SYCP1: variants seen among roughly 807,000 people sequenced by gnomAD.
SYCP1 encodes the protein cancer/testis antigen 8.
Under a neutral mutation model 153.1 loss-of-function variants are expected in SYCP1, and 64 were observed. That is an observed-to-expected ratio of 0.42 (90% CI 0.34 to 0.51). SYCP1 has a LOEUF of 0.51. SYCP1 is among the 20% of genes least tolerant of loss of function. SYCP1 has a pLI of 0.06. For synonymous variants in SYCP1, 384 were observed against 341.8 expected (o/e 1.12, Z -1.36); for missense variants, 997 against 1,049.0 (o/e 0.95, Z 0.68).
chr1:114,933,200 C>T lies in SYCP1; in HGVS notation c.1926+6637C>T, dbSNP rs1050629323. Among the ~76,000 whole-genome samples the T allele has an allele frequency of 5.9e-5, 9 of 152,284 alleles. 1 individual carries two copies. The highest frequency in any genetic ancestry group is 6.8e-3 in the Middle Eastern group (2 of 294). On this transcript the variant is annotated intron_variant, in intron 23 of 31. Transcript: ENST00000369522. ...TGGGTACCCCTCTGAGATGAAGCTT[C>T]CAGAGGAACGATCAGGCAGCAACAT...
At chr1:114,950,092 C>T (rs767796739) in intron 27 of SYCP1, among the ~76,000 whole-genome samples, 12 of 152,166 alleles carry the variant, frequency 7.9e-5, no homozygotes, top group Non-Finnish European at 1.5e-4. Context: ...ATTTCCACCT[C>T]GCTGACTTCA....
Position 114,922,924 on chromosome 1 carries a change from C to T in SYCP1, c.1719-525C>T, listed in dbSNP as rs142776605. Among the ~76,000 whole-genome samples, 453 of 152,196 alleles carry T rather than the reference C, an allele frequency of 3.0e-3. 3 individuals carry two copies. The highest frequency in any genetic ancestry group is 9.8e-3 in the African/African-American group (407 of 41,522). On this transcript the variant is annotated intron_variant, in intron 20 of 31. Coordinates refer to ENST00000369522, the MANE Select transcript of SYCP1 (RefSeq NM_003176.4). ...CCCATTCCAAAATGGAGAAATCAGC[C>T]AGAAGAATTGAGTTCAGGTTCCATG...
chr1:114,856,936 A>AAAAC (rs1232963069), intron 3 of SYCP1, among the ~76,000 whole-genome samples: 3 of 146,948 alleles, frequency 2.0e-5, no homozygotes, highest in East Asian at 3.9e-4. Flanking sequence ...AAAAAAAAAA[A>AAAAC]AAAAAAAAAC....
intron 20 of SYCP1, among the ~76,000 whole-genome samples, chr1:114,917,084 A>T (rs1668554742): frequency 6.6e-6 from 1 of 152,058 alleles, no homozygotes; most frequent in Admixed American, 6.6e-5. Context: ...ATTAAATACT[A>T]GATGTGATTC....
chr1:114,965,334 T>C (rs1285385254), intron 27 of SYCP1, among the ~76,000 whole-genome samples: 1 of 152,172 alleles, frequency 6.6e-6, no homozygotes, highest in Non-Finnish European at 1.5e-5. Flanking sequence ...CTCTTCCTAT[T>C]TGAATGCCCT....
chr1:114,965,854 G>A (rs1397260336), intron 27 of SYCP1, among the ~76,000 whole-genome samples: 1 of 152,238 alleles, frequency 6.6e-6, no homozygotes, highest in East Asian at 1.9e-4. Flanking sequence ...GATGATGCTG[G>A]CCTCATAAAC....
chr1:114,969,252 C>G (rs925360280), intron 27 of SYCP1, among the ~76,000 whole-genome samples: 1 of 152,150 alleles, frequency 6.6e-6, no homozygotes, highest in Non-Finnish European at 1.5e-5. Flanking sequence ...CAGGCAGGAA[C>G]ATTTAAGTCT....
At chr1:114,923,865 T>C (rs1287279329) in intron 21 of SYCP1, among the ~76,000 whole-genome samples, 1 of 152,148 alleles carries the variant, frequency 6.6e-6, no homozygotes, top group African/African-American at 2.4e-5. Flanking sequence ...GTGTCATGCT[T>C]TGGTGAATAT....
intron 16 of SYCP1, among the ~76,000 whole-genome samples, chr1:114,907,082 C>T (rs1286878442): frequency 1.3e-5 from 2 of 152,048 alleles, no homozygotes; most frequent in African/African-American, 4.8e-5. Context: ...ATTAAATGCC[C>T]TCAATTTCTG....
At chr1:114,924,533 T>A (rs1301827733) in intron 21 of SYCP1, among the ~76,000 whole-genome samples, 4 of 152,146 alleles carry the variant, frequency 2.6e-5, no homozygotes, top group African/African-American at 7.2e-5. Flanking sequence ...AGAAGTCACA[T>A]TCAATGTGAA....
Position 114,913,134 on chromosome 1 carries a change from A to G in SYCP1, c.1631A>G (p.Gln544Arg), listed in dbSNP as rs1422305448. 1.9e-6 allele frequency: 3 copies of G among 1,610,804 alleles called. No individual in the cohort carries two copies. Among genetic ancestry groups the G allele is most frequent in the South Asian group, 1.1e-5 (1 of 90,496 alleles). The change falls in exon 19 of 32, where the codon CAG becomes CGG. Residue 544 changes from glutamine to arginine, a missense_variant. By Grantham distance (43) the Gln-to-Arg change is conservative. Around this residue, in one of 2 missense-constraint regions of SYCP1, gnomAD observed 712 missense variants for 682.9 expected, o/e 1.04. Coordinates refer to ENST00000369522, the MANE Select transcript of SYCP1 (RefSeq NM_003176.4). ...TSDMTLELKN[Q>R]QEDINNNKKQ... Reference sequence around the variant, plus strand: ...GATATGACCCTAGAACTCAAGAATCAGCAAGAAGATATTAATGTGAGTTGA... The same window carrying G: ...GATATGACCCTAGAACTCAAGAATCGGCAAGAAGATATTAATGTGAGTTGA...
At chr1:114,989,804 T>C (rs1049708807) in intron 30 of SYCP1, among the ~76,000 whole-genome samples, 4 of 152,066 alleles carry the variant, frequency 2.6e-5, no homozygotes, top group African/African-American at 9.6e-5. Context: ...CAAGAAGATA[T>C]GACAATTTTA....
At chr1:114,990,629 C>T (rs1451551492) in intron 30 of SYCP1, among the ~76,000 whole-genome samples, 2 of 151,844 alleles carry the variant, frequency 1.3e-5, no homozygotes, top group Non-Finnish European at 1.5e-5. Flanking sequence ...GGGGATACTA[C>T]TGACCGTTCA....
intron 20 of SYCP1, among the ~76,000 whole-genome samples, chr1:114,921,536 G>T (rs892101728): frequency 6.6e-6 from 1 of 151,818 alleles, no homozygotes; most frequent in South Asian, 2.1e-4. Flanking sequence ...AAAATTAGCC[G>T]GGTGTGGTGG....
chr1:114,889,547 G>T (rs946959962), intron 15 of SYCP1, among the ~76,000 whole-genome samples: 1 of 152,106 alleles, frequency 6.6e-6, no homozygotes, highest in African/African-American at 2.4e-5. Flanking sequence ...TTTTGATGGG[G>T]TTTTTGTTTT....
chr1:114,940,487 A>T (rs2101804232), intron 23 of SYCP1, among the ~76,000 whole-genome samples: 1 of 152,254 alleles, frequency 6.6e-6, no homozygotes, highest in Admixed American at 6.5e-5. Flanking sequence ...GTATTGCTGT[A>T]TCTGTGTCCT....
intron 27 of SYCP1, among the ~76,000 whole-genome samples, chr1:114,974,959 G>A (rs1001948837): frequency 1.3e-5 from 2 of 151,702 alleles, no homozygotes; most frequent in African/African-American, 4.8e-5. Context: ...AGTGCATAAG[G>A]ATTCTAATTT....
chr1:114,927,981 C>T (rs1669368233), intron 23 of SYCP1, among the ~76,000 whole-genome samples: 1 of 151,968 alleles, frequency 6.6e-6, no homozygotes, highest in African/African-American at 2.4e-5. Flanking sequence ...CCATCACATC[C>T]AGCTAATTTT....
intron 23 of SYCP1, among the ~76,000 whole-genome samples, chr1:114,936,397 A>G (rs1472454868): frequency 2.0e-5 from 3 of 152,164 alleles, no homozygotes; most frequent in Non-Finnish European, 4.4e-5. Context: ...TTGATGGAAC[A>G]TATCTCAAAA....
Sources: gnomAD v4.1 joint callset for allele counts (sites outside exome capture counted in the v4.1 genomes callset) on GRCh38, gnomAD v4.1.1 for gene constraint, gnomAD v4.1.1 regional missense constraint, MANE v1.5 for transcripts, NCBI Gene and HGNC (gene_info 2026-07-23, HGNC 2026-07-21) for gene names.